DLGAP2: variants seen among roughly 807,000 people sequenced by gnomAD.
The protein encoded by DLGAP2 is disks large-associated protein 2.
A neutral mutation model predicts 100.3 loss-of-function variants in DLGAP2; 26 were observed. The ratio of observed to expected loss-of-function variants is 0.26; its 90% confidence interval spans 0.19 to 0.36. The LOEUF (loss-of-function observed/expected upper bound fraction) is 0.36. DLGAP2 is among the 10% of genes least tolerant of loss of function. DLGAP2 has a pLI of 1.00. For synonymous variants in DLGAP2, 886 were observed against 630.1 expected (o/e 1.41, Z -6.08); for missense variants, 1,858 against 1,453.2 (o/e 1.28, Z -4.53).
chr8:1,037,247 C>T (rs1420800057), intron 2 of DLGAP2, among the ~76,000 whole-genome samples: 2 of 152,190 alleles, frequency 1.3e-5, no homozygotes, highest in Non-Finnish European at 2.9e-5. Flanking sequence ...TTCCACCTTC[C>T]CTCGGGCCTT....
intron 12 of DLGAP2, among the ~76,000 whole-genome samples, chr8:1,681,646 AAAAG>A (rs948743668): frequency 1.5e-3 from 222 of 152,252 alleles, no homozygotes; most frequent in African/African-American, 5.1e-3. Context: ...CCTGTCTCAA[AAAAG>A]AAAGAAAGAA....
intron 3 of DLGAP2, among the ~76,000 whole-genome samples, chr8:1,391,227 AAGGCT>A (rs1796344168): frequency 6.6e-6 from 1 of 152,238 alleles, no homozygotes; most frequent in African/African-American, 2.4e-5. Flanking sequence ...TGTTGAATCC[AAGGCT>A]AGACATTACG....
At chr8:1,214,604 A>G (rs1342039002) in intron 2 of DLGAP2, among the ~76,000 whole-genome samples, 1 of 152,174 alleles carries the variant, frequency 6.6e-6, no homozygotes, top group African/African-American at 2.4e-5. Flanking sequence ...GCCTCTTTCA[A>G]TTAATTGATC....
chr8:1,068,991 A>G (rs889684736), intron 2 of DLGAP2, among the ~76,000 whole-genome samples: 1 of 152,150 alleles, frequency 6.6e-6, no homozygotes, highest in Non-Finnish European at 1.5e-5. Context: ...TGAAAGACTC[A>G]CAGGAATGTG....
intron 2 of DLGAP2, among the ~76,000 whole-genome samples, chr8:1,060,467 AC>A (rs1803046926): frequency 6.7e-6 from 1 of 148,902 alleles, no homozygotes; most frequent in Non-Finnish European, 1.5e-5. Context: ...CGCGTCACCG[AC>A]CCCTGCCCCT....
In DLGAP2 at chr8:1,501,406, T is replaced by C; in HGVS notation, c.147T>C (p.Phe49=). The C allele has an allele frequency of 6.5e-7, 1 of 1,535,706 alleles. No individual in the cohort carries two copies. The highest frequency in any genetic ancestry group is 8.7e-7 in the Non-Finnish European group (1 of 1,146,706). ...AGDLVQPGIS[F]PGPAEEDLDP... Reference sequence around the variant, plus strand: ...ACTTGGTCCAGCCGGGCATCAGCTTTCCGGGGCCGGCAGAGGAGGATCTAG... The same window carrying C: ...ACTTGGTCCAGCCGGGCATCAGCTTCCCGGGGCCGGCAGAGGAGGATCTAG... The change falls in exon 4 of 15, where the codon TTT becomes TTC. Residue 49 remains phenylalanine, a synonymous_variant. Coordinates refer to ENST00000637795, the MANE Select transcript of DLGAP2 (RefSeq NM_001346810.2).
At chr8:1,025,658 C>T (rs575788577) in intron 2 of DLGAP2, among the ~76,000 whole-genome samples, 1 of 152,150 alleles carries the variant, frequency 6.6e-6, no homozygotes, top group African/African-American at 2.4e-5. Context: ...TGCCCACCCT[C>T]CCCTAGAGCC....
At chr8:1,149,372 C>A (rs1796659987) in intron 2 of DLGAP2, among the ~76,000 whole-genome samples, 2 of 152,120 alleles carry the variant, frequency 1.3e-5, no homozygotes, top group Admixed American at 6.5e-5. Flanking sequence ...TGGTCTCGAT[C>A]TCCGGACCTC....
At chr8:1,146,771 G>T (rs150536575) in intron 2 of DLGAP2, among the ~76,000 whole-genome samples, 1 of 152,194 alleles carries the variant, frequency 6.6e-6, no homozygotes, top group Non-Finnish European at 1.5e-5. Flanking sequence ...AGGACAAGCC[G>T]TCCCCACTGT....
intron 2 of DLGAP2, among the ~76,000 whole-genome samples, chr8:1,060,885 C>A (rs1803061116): frequency 6.6e-6 from 1 of 152,206 alleles, no homozygotes; most frequent in Non-Finnish European, 1.5e-5. Context: ...GCTCTGCCCC[C>A]TCACAGTCAA....
intron 2 of DLGAP2, among the ~76,000 whole-genome samples, chr8:1,025,824 T>G (rs550544520): frequency 6.6e-6 from 1 of 152,194 alleles, no homozygotes; most frequent in Non-Finnish European, 1.5e-5. Context: ...CTTGGGAGTT[T>G]CCAGCTGTGA....
chr8:1,182,419 C>T (rs1005647312), intron 2 of DLGAP2, among the ~76,000 whole-genome samples: 4 of 152,220 alleles, frequency 2.6e-5, no homozygotes, highest in African/African-American at 9.6e-5. Context: ...CCTGAGCGTG[C>T]ATTTAATGCT....
intron 2 of DLGAP2, among the ~76,000 whole-genome samples, chr8:1,195,361 G>A (rs1026999983): frequency 2.0e-5 from 3 of 152,240 alleles, no homozygotes; most frequent in African/African-American, 2.4e-5. Flanking sequence ...CCAGATGCAC[G>A]CAGCCACCGA....
intron 2 of DLGAP2, chr8:1,250,539 A>T (rs1460520504): frequency 2.0e-5 from 3 of 152,088 alleles, no homozygotes; most frequent in African/African-American, 7.2e-5. Context: ...TGGCCATGAG[A>T]ACTTGGTTGC....
intron 4 of DLGAP2, among the ~76,000 whole-genome samples, chr8:1,517,978 C>T (rs1452738417): frequency 1.3e-5 from 2 of 152,220 alleles, no homozygotes; most frequent in Non-Finnish European, 2.9e-5. Flanking sequence ...CACACACTAA[C>T]TGAATTTCAC....
At chr8:1,156,901 C>A (rs1796802339) in intron 2 of DLGAP2, among the ~76,000 whole-genome samples, 1 of 152,106 alleles carries the variant, frequency 6.6e-6, no homozygotes, top group Non-Finnish European at 1.5e-5. Flanking sequence ...TCAGGAAGGC[C>A]CTGCCGTCCA....
chr8:1,309,049 G>A (rs1001375500), intron 3 of DLGAP2, among the ~76,000 whole-genome samples: 2 of 152,134 alleles, frequency 1.3e-5, no homozygotes, highest in African/African-American at 4.8e-5. Context: ...TGACATTGTG[G>A]AGCCTGAGGA....
chr8:1,644,802 T>A (rs951203069), intron 8 of DLGAP2, among the ~76,000 whole-genome samples: 8 of 152,262 alleles, frequency 5.3e-5, no homozygotes, highest in African/African-American at 1.9e-4. Context: ...ATTGACACCA[T>A]GGCTTTTACT....
intron 2 of DLGAP2, among the ~76,000 whole-genome samples, chr8:1,158,463 T>C (rs539469219): frequency 6.6e-6 from 1 of 152,392 alleles, no homozygotes; most frequent in South Asian, 2.1e-4. Flanking sequence ...AGTGTCACTA[T>C]ACCTTGGATC....
Sources: gnomAD v4.1 joint callset for allele counts (sites outside exome capture counted in the v4.1 genomes callset) on GRCh38, gnomAD v4.1.1 for gene constraint, MANE v1.5 for transcripts, NCBI Gene and HGNC (gene_info 2026-07-23, HGNC 2026-07-21) for gene names.